Variants in SLC12A8 observed in about 807,000 individuals in gnomAD.
SLC12A8 encodes cation-chloride cotransporter 9.
SLC12A8 carries 69 observed loss-of-function variants against 75.6 expected under a neutral mutation model. The ratio of observed to expected loss-of-function variants is 0.91; its 90% CI spans 0.75 to 1.11. The LOEUF (loss-of-function observed/expected upper bound fraction) is 1.11, where lower values mean the gene tolerates loss of function less well. Among genes scored for constraint, SLC12A8 ranks in the 50% most tolerant of loss-of-function variants. The probability of loss-of-function intolerance (pLI) is 0.00; values close to 1 mark genes in which losing one functional copy is unlikely to be tolerated. For synonymous variants in SLC12A8, 365 were observed against 372.8 expected (o/e 0.98, Z 0.24); for missense variants, 877 against 896.7 (o/e 0.98, Z 0.28).
chr3:125,168,411 G>A (rs929055529), intron 5 of SLC12A8, among the ~76,000 whole-genome samples: 1 of 152,202 alleles, frequency 6.6e-6, no homozygotes, highest in African/African-American at 2.4e-5. Flanking sequence ...CAGACAGCCA[G>A]GTAGAGATCC....
intron 1 of SLC12A8, among the ~76,000 whole-genome samples, chr3:125,212,105 G>A (rs888764009): frequency 6.6e-6 from 1 of 152,108 alleles, no homozygotes; most frequent in African/African-American, 2.4e-5. Context: ...GGAAGGGGGA[G>A]GAAGAGAGCG....
At chr3:125,148,570 A>T (rs1933843110) in intron 5 of SLC12A8, among the ~76,000 whole-genome samples, 1 of 152,032 alleles carries the variant, frequency 6.6e-6, no homozygotes, top group Non-Finnish European at 1.5e-5. Context: ...AATTTGGGGC[A>T]TCATCTCCTG....
chr3:125,190,230 G>A lies in SLC12A8; in HGVS notation c.198+145C>T, dbSNP rs1232230191. ...GATGCTCATTTAACAAGCAATGCTA[G>A]CTATTCATCGTGCTTGCTTCTGTTT... On this transcript the variant is annotated intron_variant, in intron 3 of 13. Transcript: ENST00000469902. The A allele has an allele frequency of 9.7e-6, 8 of 826,142 alleles. No individual in the cohort carries two copies. In the Admixed American group the frequency reaches 1.7e-4, roughly 18 times the overall value. The allele number at this position is 826,142 out of a possible 1,614,324, so 51.2% of individuals were successfully genotyped here.
intron 2 of SLC12A8, among the ~76,000 whole-genome samples, chr3:125,191,487 T>TGGGGGGGG (rs1579537166): frequency 1.7e-4 from 1 of 5,916 alleles, no homozygotes. Context: ...CTCAGCTGGG[T>TGGGGGGGG]GGGGTGGGTG....
chr3:125,210,756 T>TATG (rs1318171040), intron 2 of SLC12A8, among the ~76,000 whole-genome samples: 1 of 152,042 alleles, frequency 6.6e-6, no homozygotes, highest in Non-Finnish European at 1.5e-5. Flanking sequence ...TAGTATGGTT[T>TATG]ATTATTATTA....
rs748806075 is a variant in SLC12A8 at position 125,107,731 on chromosome 3, G to A, written c.1455C>T (p.Thr485=). 38 of 1,614,114 alleles carry A rather than the reference G, an allele frequency of 2.4e-5. No homozygotes were observed. The highest frequency in any genetic ancestry group is 3.0e-5 in the Non-Finnish European group (35 of 1,180,014). ...SQPRQGEGNR[T]PESQKRKSKK... ...TGCTTTTCCTCTTCTGACTTTCTGG[G>A]GTCCTGTTACCCTCTCCTTGCCTGG... The change falls in exon 10 of 14, where the codon ACC becomes ACT. Residue 485 remains threonine, a synonymous_variant. Transcript: ENST00000469902.
chr3:125,178,061 C>T (rs1934579025), intron 4 of SLC12A8, 87 bp from the exon 5 acceptor site: 4 of 1,096,074 alleles, frequency 3.6e-6, no homozygotes, highest in East Asian at 2.6e-5. Context: ...GAACCCTGCA[C>T]CCCCATCGGA....
intron 3 of SLC12A8, among the ~76,000 whole-genome samples, chr3:125,188,986 A>G (rs1934854700): frequency 6.6e-6 from 1 of 152,204 alleles, no homozygotes; most frequent in Non-Finnish European, 1.5e-5. Context: ...AAATTTGCCT[A>G]TGTAATGGTT....
intron 8 of SLC12A8, among the ~76,000 whole-genome samples, chr3:125,112,090 T>C (rs756566404): frequency 3.9e-5 from 6 of 152,158 alleles, no homozygotes; most frequent in Non-Finnish European, 7.4e-5. Flanking sequence ...GTCTGGTCCA[T>C]TGGGTTTCTA....
At chr3:125,211,160 A>G (rs746749531) in intron 2 of SLC12A8, 139 bp downstream of exon 2, 6 of 744,082 alleles carry the variant, frequency 8.1e-6, no homozygotes, top group Non-Finnish European at 1.4e-5. Flanking sequence ...ATATTTTCTC[A>G]TTGAACTGGA....
chr3:125,137,506 C>A (rs1322789250), intron 5 of SLC12A8, among the ~76,000 whole-genome samples: 3 of 152,220 alleles, frequency 2.0e-5, no homozygotes, highest in Non-Finnish European at 4.4e-5. Flanking sequence ...GAAAACCAGC[C>A]CAGCCTGCCT....
chr3:125,148,495 G>C (rs1174792937), intron 5 of SLC12A8, among the ~76,000 whole-genome samples: 1 of 97,016 alleles, frequency 1.0e-5, no homozygotes, highest in Non-Finnish European at 1.9e-5. Context: ...TGAGGGTAGT[G>C]GGGAGAAGAG....
At chr3:125,186,334 CCA>C (rs1560079883) in intron 4 of SLC12A8, among the ~76,000 whole-genome samples, 1 of 152,088 alleles carries the variant, frequency 6.6e-6, no homozygotes, top group African/African-American at 2.4e-5. Context: ...ACAGGCACCC[CCA>C]CCGCCCACAC....
chr3:125,207,268 A>G (rs1935244132), intron 2 of SLC12A8, among the ~76,000 whole-genome samples: 1 of 152,204 alleles, frequency 6.6e-6, no homozygotes, highest in African/African-American at 2.4e-5. Context: ...ACATGGACCC[A>G]CTAGTGCTAC....
At chr3:125,166,537 C>T (rs775834685) in intron 5 of SLC12A8, among the ~76,000 whole-genome samples, 1 of 152,212 alleles carries the variant, frequency 6.6e-6, no homozygotes, top group Non-Finnish European at 1.5e-5. Flanking sequence ...AAGGCCTCTG[C>T]GTCCGTCTCC....
At chr3:125,085,219 T>A (rs187945098) in intron 13 of SLC12A8, among the ~76,000 whole-genome samples, 5 of 152,358 alleles carry the variant, frequency 3.3e-5, no homozygotes, top group Non-Finnish European at 7.3e-5. Flanking sequence ...AACATGTAAG[T>A]GTTTTTGCTA....
chr3:125,180,245 A>C (rs77936017), intron 4 of SLC12A8, among the ~76,000 whole-genome samples: 3,265 of 152,312 alleles, frequency 0.021, 119 homozygotes, highest in African/African-American at 0.075. Context: ...GGTTAGGAGC[A>C]TGAATTGCGA....
chr3:125,194,648 C>G (rs533165168), intron 2 of SLC12A8, among the ~76,000 whole-genome samples: 2 of 152,206 alleles, frequency 1.3e-5, no homozygotes, highest in African/African-American at 4.8e-5. Flanking sequence ...CAGATGACAC[C>G]TTTTCTCCTT....
chr3:125,133,361 ACGCACACACACACACACAAT>A (rs1560062719), intron 6 of SLC12A8, among the ~76,000 whole-genome samples: 5 of 129,268 alleles, frequency 3.9e-5, no homozygotes, highest in Admixed American at 8.6e-5. Flanking sequence ...ACACACACAC[ACGCACACACACACACACAAT>A]TTTTTTTTTG....
Sources: gnomAD v4.1 joint callset for allele counts (sites outside exome capture counted in the v4.1 genomes callset) on GRCh38, gnomAD v4.1.1 for gene constraint, MANE v1.5 for transcripts, NCBI Gene and HGNC (gene_info 2026-07-23, HGNC 2026-07-21) for gene names.